Variants in CLEC16A observed in about 807,000 individuals in gnomAD.
The protein encoded by CLEC16A is protein CLEC16A.
In CLEC16A, 51 loss-of-function variants were observed where a neutral mutation model predicts 109.5. The observed-to-expected ratio is 0.47, with a 90% CI of 0.37 to 0.59. The LOEUF is 0.59. CLEC16A is among the 20% of genes least tolerant of loss of function. CLEC16A has a pLI of 0.00. For missense variants in CLEC16A, 1,339 were observed against 1,394.0 expected (o/e 0.96, Z 0.63); for synonymous variants, 673 against 564.2 (o/e 1.19, Z -2.73).
intron 10 of CLEC16A, among the ~76,000 whole-genome samples, chr16:10,999,661 C>T (rs1202556836): frequency 6.6e-6 from 1 of 152,210 alleles, no homozygotes; most frequent in African/African-American, 2.4e-5. Context: ...CCCCAGTAAG[C>T]ATGCCCTCCC....
chr16:11,059,695 C>T (rs1476971379), intron 18 of CLEC16A, among the ~76,000 whole-genome samples: 2 of 152,212 alleles, frequency 1.3e-5, no homozygotes, highest in African/African-American at 4.8e-5. Flanking sequence ...TGGGATTCGC[C>T]TTTGCAGCTC....
chr16:10,957,646 A>C (rs1428341491), intron 1 of CLEC16A, 136 bp from the exon 2 acceptor site: 1 of 850,632 alleles, frequency 1.2e-6, no homozygotes, highest in East Asian at 2.6e-5. Flanking sequence ...GTTACATCTA[A>C]TCTGAATGGG....
At chr16:10,991,067 C>T (rs2043977325) in intron 10 of CLEC16A, among the ~76,000 whole-genome samples, 1 of 152,096 alleles carries the variant, frequency 6.6e-6, no homozygotes, top group African/African-American at 2.4e-5. Context: ...AAAACCTTGA[C>T]CTCCAGGAAC....
intron 19 of CLEC16A, among the ~76,000 whole-genome samples, chr16:11,075,599 G>C (rs373361819): frequency 4.7e-4 from 71 of 152,152 alleles, no homozygotes; most frequent in African/African-American, 1.7e-3. Context: ...ACCATGTCCA[G>C]CTAATTTTTA....
chr16:11,173,368 A>G (rs940212551), intron 23 of CLEC16A, among the ~76,000 whole-genome samples: 1 of 152,100 alleles, frequency 6.6e-6, no homozygotes, highest in Non-Finnish European at 1.5e-5. Context: ...ACCCGCCTTC[A>G]TCTCCGAGAG....
rs1170491896 is a variant in CLEC16A, at chr16:10,964,890, G to T, written c.343+2302G>T. 2.6e-5 allele frequency among the ~76,000 whole-genome samples: 4 copies of T among 152,206 alleles called. No individual in the cohort carries two copies. The East Asian group carries it at 7.7e-4, about 29-fold the overall frequency. ...GCGTGTGTGTGGGTGGGGGTTGTGTGTGCACCTTGGGTGATGAAAATATGC... is the reference window on the plus strand; with the variant it reads ...GCGTGTGTGTGGGTGGGGGTTGTGTTTGCACCTTGGGTGATGAAAATATGC... On this transcript the variant is annotated intron_variant, in intron 3 of 23. Coordinates refer to ENST00000409790, the MANE Select transcript of CLEC16A (RefSeq NM_015226.3).
At chr16:10,956,866 G>C (rs1010047061) in intron 1 of CLEC16A, among the ~76,000 whole-genome samples, 2 of 151,364 alleles carry the variant, frequency 1.3e-5, no homozygotes, top group South Asian at 4.2e-4. Flanking sequence ...GTGTGATCTC[G>C]GCTCACTGCA....
intron 19 of CLEC16A, among the ~76,000 whole-genome samples, chr16:11,103,292 A>G (rs186801616): frequency 6.6e-6 from 1 of 152,132 alleles, no homozygotes; most frequent in African/African-American, 2.4e-5. Flanking sequence ...TTAAAACATT[A>G]CCTCCTGACT....
At chr16:11,138,703 T>G (rs1290383946) in intron 22 of CLEC16A, among the ~76,000 whole-genome samples, 2 of 152,346 alleles carry the variant, frequency 1.3e-5, no homozygotes, top group African/African-American at 4.8e-5. Context: ...TCAAAAAACC[T>G]AAATGACCAC....
At chr16:11,026,853 G>C (rs1408155215) in intron 13 of CLEC16A, among the ~76,000 whole-genome samples, 1 of 152,142 alleles carries the variant, frequency 6.6e-6, no homozygotes, top group Non-Finnish European at 1.5e-5. Context: ...GCAACTTTTG[G>C]CAGGAATGGG....
chr16:11,167,773 C>G (rs946592418), intron 23 of CLEC16A, among the ~76,000 whole-genome samples: 1 of 152,350 alleles, frequency 6.6e-6, no homozygotes, highest in East Asian at 1.9e-4. Context: ...ATGACCACCC[C>G]TTCTGAGCTA....
intron 10 of CLEC16A, among the ~76,000 whole-genome samples, chr16:10,986,707 C>G (rs907890412): frequency 2.1e-5 from 3 of 144,918 alleles, no homozygotes; most frequent in Non-Finnish European, 4.5e-5. Flanking sequence ...TCGCATATAT[C>G]AGAATTTATT....
intron 19 of CLEC16A, among the ~76,000 whole-genome samples, chr16:11,094,246 G>T (rs912080451): frequency 6.6e-6 from 1 of 152,168 alleles, no homozygotes; most frequent in African/African-American, 2.4e-5. Flanking sequence ...GAAGGCTCCA[G>T]GGGCTCAAAG....
At chr16:11,093,035 G>A (rs1426430336) in intron 19 of CLEC16A, among the ~76,000 whole-genome samples, 1 of 152,134 alleles carries the variant, frequency 6.6e-6, no homozygotes, top group Admixed American at 6.5e-5. Context: ...CCTTACCTGG[G>A]CAATCTGTCC....
At chr16:11,053,580 A>T (rs1161175228) in intron 18 of CLEC16A, among the ~76,000 whole-genome samples, 1 of 152,144 alleles carries the variant, frequency 6.6e-6, no homozygotes, top group Non-Finnish European at 1.5e-5. Context: ...CATGTTACCC[A>T]GGCTGGTCTT....
chr16:11,109,874 G>A (rs1192993697), intron 19 of CLEC16A, among the ~76,000 whole-genome samples: 1 of 152,216 alleles, frequency 6.6e-6, no homozygotes, highest in African/African-American at 2.4e-5. Context: ...TCCAGCCGTA[G>A]CCTAAAACAG....
At chr16:11,001,028 C>T (rs1004983604) in intron 10 of CLEC16A, among the ~76,000 whole-genome samples, 3 of 152,104 alleles carry the variant, frequency 2.0e-5, no homozygotes, top group Non-Finnish European at 2.9e-5. Flanking sequence ...ATCAAAATCC[C>T]GCCCTAAACA....
intron 10 of CLEC16A, among the ~76,000 whole-genome samples, chr16:10,985,026 C>A (rs1374529635): frequency 6.6e-6 from 1 of 151,772 alleles, no homozygotes; most frequent in Non-Finnish European, 1.5e-5. Flanking sequence ...ACGGTGAAAC[C>A]CCGTCTCTAC....
chr16:11,089,150 G>A (rs1247404269), intron 19 of CLEC16A, among the ~76,000 whole-genome samples: 2 of 152,156 alleles, frequency 1.3e-5, no homozygotes, highest in African/African-American at 4.8e-5. Context: ...GGTCACTCCA[G>A]CCCAGCCACA....
Sources: allele counts gnomAD v4.1 joint callset (sites outside exome capture counted in the v4.1 genomes callset), GRCh38; gene constraint gnomAD v4.1.1; transcripts MANE v1.5; gene names NCBI Gene and HGNC (gene_info 2026-07-23, HGNC 2026-07-21).